MYLK: variants seen among roughly 807,000 people sequenced by gnomAD.
The protein encoded by MYLK is myosin light chain kinase, smooth muscle.
A neutral mutation model predicts 203.4 loss-of-function variants in MYLK; 106 were observed. That is an observed-to-expected ratio of 0.52 (90% CI 0.45 to 0.61). The LOEUF is 0.61. Ranked by LOEUF, MYLK falls within the 20% of genes least tolerant of loss-of-function variation. MYLK has a pLI of 0.00. For synonymous variants in MYLK, 867 were observed against 959.5 expected (o/e 0.90, Z 1.78); for missense variants, 2,072 against 2,442.3 (o/e 0.85, Z 3.20).
chr3:123,745,990 T>A (rs1162741163), intron 5 of MYLK, among the ~76,000 whole-genome samples: 1 of 152,004 alleles, frequency 6.6e-6, no homozygotes, highest in African/African-American at 2.4e-5. Context: ...CCTGAGTAGC[T>A]GGGATTATAG....
chr3:123,863,283 C>T (rs1171824404), intron 2 of MYLK, among the ~76,000 whole-genome samples: 4 of 138,450 alleles, frequency 2.9e-5, no homozygotes, highest in Admixed American at 2.4e-4. Flanking sequence ...AGTTATAAAG[C>T]TTCTAGATGA....
chr3:123,828,371 T>C (rs936169582), intron 3 of MYLK, among the ~76,000 whole-genome samples: 8 of 152,118 alleles, frequency 5.3e-5, no homozygotes, highest in Admixed American at 5.2e-4. Flanking sequence ...CTCTCTTGAA[T>C]AGATGGTGCT....
intron 24 of MYLK, among the ~76,000 whole-genome samples, chr3:123,656,103 G>A (rs2059381190): frequency 6.6e-6 from 1 of 152,126 alleles, no homozygotes; most frequent in South Asian, 2.1e-4. Context: ...AGGCCCATCT[G>A]ATATGGCTGA....
chr3:123,834,451 T>C (rs1359126001), intron 2 of MYLK, among the ~76,000 whole-genome samples: 1 of 152,104 alleles, frequency 6.6e-6, no homozygotes, highest in African/African-American at 2.4e-5. Context: ...GGACAGGTAA[T>C]TTAATAAAGG....
chr3:123,825,449 G>C (rs932207738), intron 3 of MYLK, among the ~76,000 whole-genome samples: 1 of 152,154 alleles, frequency 6.6e-6, no homozygotes, highest in Admixed American at 6.5e-5. Flanking sequence ...GGTCCCCACT[G>C]GCATTGCAAA....
intron 2 of MYLK, among the ~76,000 whole-genome samples, chr3:123,834,970 G>A (rs1033389189): frequency 6.6e-6 from 1 of 152,196 alleles, no homozygotes; most frequent in African/African-American, 2.4e-5. Context: ...CAGAGAGCTG[G>A]GCAATGGTGC....
At chr3:123,852,907 G>A (rs1343700) in intron 2 of MYLK, among the ~76,000 whole-genome samples, 68,495 of 151,962 alleles carry the variant, frequency 0.45, 18,488 homozygotes, top group Non-Finnish European at 0.63. Flanking sequence ...ACTGTACCTC[G>A]TCTCCAGTCT....
intron 18 of MYLK, among the ~76,000 whole-genome samples, chr3:123,695,983 C>T (rs2060909262): frequency 6.6e-6 from 1 of 152,158 alleles, no homozygotes; most frequent in Non-Finnish European, 1.5e-5. Context: ...CTCTGAATCC[C>T]ATCAGCCCTG....
intron 19 of MYLK, among the ~76,000 whole-genome samples, chr3:123,687,616 A>C (rs820376): frequency 0.87 from 131,026 of 150,322 alleles, 59,334 homozygotes; most frequent in Non-Finnish European, 0.99. Context: ...TCCTACCTTC[A>C]TTCCTTCCTT....
chr3:123,686,960 G>A (rs1312737000), intron 19 of MYLK, among the ~76,000 whole-genome samples: 2 of 152,180 alleles, frequency 1.3e-5, no homozygotes, highest in Admixed American at 6.5e-5. Flanking sequence ...GGTAGCTCAC[G>A]CCTGTAATCC....
intron 5 of MYLK, among the ~76,000 whole-genome samples, chr3:123,743,177 A>G (rs2062911472): frequency 1.3e-5 from 2 of 152,350 alleles, no homozygotes; most frequent in South Asian, 2.1e-4. Context: ...CATTTTAAAA[A>G]GTCTTGGGAG....
intron 4 of MYLK, among the ~76,000 whole-genome samples, chr3:123,761,297 T>G (rs957199453): frequency 6.6e-6 from 1 of 152,236 alleles, no homozygotes; most frequent in Non-Finnish European, 1.5e-5. Context: ...GAGAACATCA[T>G]GACTTGGCTT....
chr3:123,856,927 A>G (rs1003696496), intron 2 of MYLK, among the ~76,000 whole-genome samples: 11 of 152,088 alleles, frequency 7.2e-5, no homozygotes, highest in Non-Finnish European at 1.0e-4. Flanking sequence ...CAGAATCTAC[A>G]ATGAACTCAA....
intron 27 of MYLK, chr3:123,646,954 C>A: frequency 1.9e-6 from 1 of 533,676 alleles, no homozygotes; most frequent in African/African-American, 1.9e-5. Context: ...GAGAAAGACA[C>A]CAGGGTCCTC....
At chr3:123,618,907 C>T (rs923481150) in intron 32 of MYLK, 137 bp from the exon 33 acceptor site, 34 of 1,161,630 alleles carry the variant, frequency 2.9e-5, no homozygotes, top group African/African-American at 1.8e-4. Context: ...ATCATAAGCA[C>T]GCCTTTCTCC....
chr3:123,677,994 T>C (rs1054710421), intron 20 of MYLK, among the ~76,000 whole-genome samples: 2 of 146,748 alleles, frequency 1.4e-5, no homozygotes, highest in East Asian at 4.1e-4. Context: ...CAGGTCAGGG[T>C]TGGCACCACA....
chr3:123,719,692 C>G (rs934715521), intron 13 of MYLK, among the ~76,000 whole-genome samples: 1 of 152,338 alleles, frequency 6.6e-6, no homozygotes, highest in Non-Finnish European at 1.5e-5. Flanking sequence ...ACACCCAGGC[C>G]GCTGGCTCCA....
chr3:123,803,921 G>C (rs1162181823), intron 3 of MYLK, among the ~76,000 whole-genome samples: 1 of 152,260 alleles, frequency 6.6e-6, no homozygotes, highest in Non-Finnish European at 1.5e-5. Flanking sequence ...CCAGAGAAGA[G>C]CTGGGGCTGG....
intron 15 of MYLK, 100 bp downstream of exon 15, chr3:123,708,598 G>T: frequency 7.2e-7 from 1 of 1,392,260 alleles, no homozygotes; most frequent in African/African-American, 1.4e-5. Context: ...GCCCTCAGTG[G>T]GAACAAAGTA....
Sources: gnomAD v4.1 joint callset for allele counts (sites outside exome capture counted in the v4.1 genomes callset) on GRCh38, gnomAD v4.1.1 for gene constraint, MANE v1.5 for transcripts, NCBI Gene and HGNC (gene_info 2026-07-23, HGNC 2026-07-21) for gene names.